Variants in PRKAR1A observed in about 807,000 individuals in gnomAD.
The protein encoded by PRKAR1A is protein kinase cAMP-dependent type I regulatory subunit alpha.
PRKAR1A carries 3 observed loss-of-function variants against 52.0 expected under a neutral mutation model. That is an observed-to-expected ratio of 0.06 (90% CI 0.03 to 0.15). The LOEUF (loss-of-function observed/expected upper bound fraction) is 0.15, where lower values mean the gene tolerates loss of function less well. PRKAR1A is among the 10% of genes least tolerant of loss of function. The pLI, the probability that PRKAR1A is intolerant of heterozygous loss-of-function variation, is 1.00. For synonymous variants in PRKAR1A, 188 were observed against 168.4 expected (o/e 1.12, Z -0.90); for missense variants, 240 against 477.4 (o/e 0.50, Z 4.63).
chr17:68,426,178 G>A, the PRKAR1A span: 2 of 1,540,524 alleles, frequency 1.3e-6, no homozygotes, highest in Non-Finnish European at 8.8e-7. Context: ...AGAATAACCT[G>A]GAAACCAAGA....
chr17:68,427,498 A>T, the PRKAR1A span: 1 of 307,560 alleles, frequency 3.3e-6, no homozygotes, highest in Admixed American at 4.7e-5. Context: ...CTGCGACTAC[A>T]GGCACCCACC....
chr17:68,537,501 A>G (rs370179954), downstream of PRKAR1A: 9 of 1,613,932 alleles, frequency 5.6e-6, no homozygotes, highest in African/African-American at 1.1e-4. This position sits in a 1 kb window ranked among gnomAD's most constrained non-coding sequence, Gnocchi z 4.2. Flanking sequence ...TAGCCTGGCC[A>G]GAGTCTGGGG....
Position 68,542,000 on chromosome 17 carries a change from AGT to A in PRKAR1A, c.974-9079_974-9078del, listed in dbSNP as rs1371179752. The A allele has an allele frequency of 6.2e-7, 1 of 1,613,456 alleles. No individual in the cohort carries two copies. Among genetic ancestry groups the A allele is most frequent in the African/African-American group, 1.3e-5 (1 of 74,880 alleles). On this transcript the variant is annotated intron_variant, in intron 11 of 11. Coordinates refer to the PRKAR1A transcript ENST00000585981. ...ACCAACTCACTCCTCTTTTCCTGCC[AGT>A]GTGTAGGAGCGGATCCAGGGGTTGG...
chr17:68,430,761 CTG>C, the PRKAR1A span, among the ~76,000 whole-genome samples: 7 of 152,160 alleles, frequency 4.6e-5, no homozygotes, highest in Non-Finnish European at 7.3e-5. Context: ...AAGGGGGTGA[CTG>C]TTCTGTTGGT....
At chr17:68,501,958 T>C in the PRKAR1A span, among the ~76,000 whole-genome samples, 1 of 152,238 alleles carries the variant, frequency 6.6e-6, no homozygotes, top group South Asian at 2.1e-4. Context: ...CTCCTCCTTA[T>C]CCTTCACATC....
At chr17:68,435,516 A>T in the PRKAR1A span, 1 of 1,105,536 alleles carries the variant, frequency 9.0e-7, no homozygotes, top group Non-Finnish European at 1.4e-6. Flanking sequence ...GGGCCCAGAG[A>T]CCAGTCAGTC....
In PRKAR1A at chr17:68,532,996, GA is replaced by G; in HGVS notation, c.*2550del. The G allele has an allele frequency of 2.8e-6, 3 of 1,065,802 alleles. No individual in the cohort carries two copies. The African/African-American group carries it at 4.9e-5, about 17-fold the overall frequency. The allele number at this position is 1,065,802 out of a possible 1,614,324, so 66.0% of individuals were successfully genotyped here. A position where few individuals can be genotyped will look rare whatever the true frequency, so the allele number is the denominator to read the frequency against. On this transcript the variant is annotated 3_prime_UTR_variant, in exon 11 of 11. Transcript: ENST00000589228. ...TAGCAGATTTATTTACTTAGTCATG[GA>G]AAGAAAAAAATTCAGTCAAAAGCTA...
chr17:68,444,472 T>C, the PRKAR1A span: 3 of 1,601,718 alleles, frequency 1.9e-6, no homozygotes, highest in Non-Finnish European at 2.6e-6. Context: ...CAGGGACATT[T>C]GTTCCATTTT....
the PRKAR1A span, among the ~76,000 whole-genome samples, chr17:68,505,495 T>C: frequency 6.6e-6 from 1 of 152,152 alleles, no homozygotes; most frequent in East Asian, 1.9e-4. Flanking sequence ...TGAACTCTAA[T>C]GTAAACTATG....
the PRKAR1A span, among the ~76,000 whole-genome samples, chr17:68,416,024 A>G: frequency 0.014 from 2,080 of 152,302 alleles, 59 homozygotes; most frequent in African/African-American, 0.048. Flanking sequence ...CAGTGTTAAT[A>G]TTGAGATGTG....
At chr17:68,427,047 T>G in the PRKAR1A span, 4 of 1,090,346 alleles carry the variant, frequency 3.7e-6, no homozygotes, top group South Asian at 2.7e-5. Flanking sequence ...CAGGTAACAG[T>G]GAAGGGGGAA....
the PRKAR1A span, among the ~76,000 whole-genome samples, chr17:68,441,475 C>T: frequency 1.3e-5 from 2 of 152,190 alleles, no homozygotes; most frequent in Admixed American, 6.5e-5. Context: ...GTCACAGTTT[C>T]CATCTTATTT....
chr17:68,433,400 G>T, the PRKAR1A span: 1 of 1,338,946 alleles, frequency 7.5e-7, no homozygotes, highest in Non-Finnish European at 1.1e-6. Context: ...GATCATTCAT[G>T]CCAGTAGAAG....
rs139935965 is a variant in PRKAR1A, at chr17:68,540,410, G to A, written c.973+10409G>A. 255 of 455,822 alleles carry A rather than the reference G, an allele frequency of 5.6e-4. 3 individuals are homozygous for A. The highest frequency in any genetic ancestry group is 4.9e-3 in the Middle Eastern group (12 of 2,472). 28.2% of individuals were successfully genotyped at this position (455,822 alleles called of 1,614,324 possible). On this transcript the variant is annotated intron_variant, in intron 11 of 11. Transcript: ENST00000585981. ...TTGCTTCCGACCTAAGCTCCTGTAT[G>A]ACGGCCACCTTCATAAGTGTCTCGT...
the PRKAR1A span, among the ~76,000 whole-genome samples, chr17:68,435,898 G>A: frequency 6.6e-6 from 1 of 152,222 alleles, no homozygotes; most frequent in Non-Finnish European, 1.5e-5. Flanking sequence ...TTGGCTTCAA[G>A]GGCCACTCCA....
At chr17:68,517,097 A>G (rs2085457548) in intron 2 of PRKAR1A, among the ~76,000 whole-genome samples, 1 of 152,250 alleles carries the variant, frequency 6.6e-6, no homozygotes, top group Non-Finnish European at 1.5e-5. Flanking sequence ...ATAAATAATT[A>G]TTAAAATGGT....
chr17:68,455,763 C>T, the PRKAR1A span, among the ~76,000 whole-genome samples: 603 of 152,226 alleles, frequency 4.0e-3, 9 homozygotes, highest in Admixed American at 0.037. Flanking sequence ...TGGGACTTTG[C>T]GTTATTTAAT....
the PRKAR1A span, among the ~76,000 whole-genome samples, chr17:68,489,504 T>C: frequency 3.5e-5 from 5 of 144,274 alleles, no homozygotes; most frequent in Non-Finnish European, 7.5e-5. Context: ...ATATAGATAG[T>C]ATATATATAT....
intron 2 of PRKAR1A, among the ~76,000 whole-genome samples, chr17:68,520,691 G>A (rs2085577873): frequency 6.6e-6 from 1 of 152,194 alleles, no homozygotes; most frequent in African/African-American, 2.4e-5. Context: ...GCTCTGAGTT[G>A]TCAGATTAGG....
Sources: allele counts gnomAD v4.1 joint callset (sites outside exome capture counted in the v4.1 genomes callset), GRCh38; gene constraint gnomAD v4.1.1; non-coding constraint Gnocchi (gnomAD v3.1); transcripts MANE v1.5; gene names NCBI Gene and HGNC (gene_info 2026-07-23, HGNC 2026-07-21).